Variants in PHTF2 observed in about 807,000 individuals in gnomAD.
PHTF2 encodes protein PHTF2.
PHTF2 carries 60 observed loss-of-function variants against 101.2 expected under a neutral mutation model. The observed-to-expected ratio is 0.59, with a 90% CI of 0.48 to 0.73. The LOEUF is 0.73. PHTF2 is among the 30% of genes least tolerant of loss of function. The probability of loss-of-function intolerance (pLI) is 0.00; values close to 1 mark genes in which losing one functional copy is unlikely to be tolerated. For missense variants in PHTF2, 747 were observed against 908.7 expected (o/e 0.82, Z 2.29); for synonymous variants, 311 against 307.3 (o/e 1.01, Z -0.13).
chr7:77,914,974 C>G (rs1334431774), intron 9 of PHTF2, among the ~76,000 whole-genome samples: 1 of 149,736 alleles, frequency 6.7e-6, no homozygotes, highest in South Asian at 2.1e-4. Flanking sequence ...TGCAGTGGCA[C>G]GATCTCGGCT....
chr7:77,808,453 C>T (rs1212357537), intron 1 of PHTF2, among the ~76,000 whole-genome samples: 1 of 152,052 alleles, frequency 6.6e-6, no homozygotes, highest in Non-Finnish European at 1.5e-5. Context: ...TTATATTTTC[C>T]TGTTTATTTA....
At position 77,838,607 on chromosome 7, in the gene PHTF2, T is replaced by C. The variant is rs534443562; in HGVS notation, c.-35-1614T>C. On this transcript the variant is annotated intron_variant, in intron 1 of 19. Coordinates refer to ENST00000416283, the Ensembl canonical transcript of PHTF2. The stretch of plus-strand genomic sequence containing the variant: ...GTGGCAGGCATCTTATATATATTAT[T>C]TATTGGTTACAAAGATCCTATAAGG... Among the ~76,000 whole-genome samples the C allele has an allele frequency of 2.6e-5, 4 of 152,274 alleles. No homozygotes were observed. In the South Asian group the frequency reaches 8.3e-4, roughly 32 times the overall value.
intron 11 of PHTF2, among the ~76,000 whole-genome samples, chr7:77,928,641 G>A (rs1057245227): frequency 6.6e-5 from 10 of 152,054 alleles, no homozygotes; most frequent in African/African-American, 2.4e-4. Context: ...GTCAGCCCTC[G>A]CCCTCCATTT....
At chr7:77,856,452 C>G (rs1797191293) in intron 3 of PHTF2, among the ~76,000 whole-genome samples, 1 of 152,006 alleles carries the variant, frequency 6.6e-6, no homozygotes, top group Non-Finnish European at 1.5e-5. Flanking sequence ...AACTTCTGGA[C>G]TCAAATGATC....
chr7:77,823,650 A>G (rs183378281), intron 1 of PHTF2, among the ~76,000 whole-genome samples: 16 of 152,386 alleles, frequency 1.0e-4, no homozygotes, highest in African/African-American at 3.6e-4. Context: ...AAGTTATTTT[A>G]GACAAGGAAT....
intron 2 of PHTF2, chr7:77,854,607 A>T: frequency 1.6e-6 from 1 of 626,808 alleles, no homozygotes; most frequent in East Asian, 2.8e-5. Context: ...AATGCCATCC[A>T]GGAGCCAGAG....
At chr7:77,831,134 C>T (rs1795047487) in intron 1 of PHTF2, among the ~76,000 whole-genome samples, 1 of 152,128 alleles carries the variant, frequency 6.6e-6, no homozygotes, top group Admixed American at 6.6e-5. Flanking sequence ...TATGTGGTGA[C>T]TGGCTATCCA....
intron 7 of PHTF2, among the ~76,000 whole-genome samples, chr7:77,907,172 C>G (rs1801944691): frequency 6.6e-6 from 1 of 152,104 alleles, no homozygotes; most frequent in Non-Finnish European, 1.5e-5. Context: ...AAAAGACTCT[C>G]TGCTTTTCAA....
chr7:77,834,397 A>G (rs1167460088), intron 1 of PHTF2, among the ~76,000 whole-genome samples: 1 of 152,178 alleles, frequency 6.6e-6, no homozygotes, highest in Non-Finnish European at 1.5e-5. Context: ...TTAAAATAAC[A>G]TAAACTGTTG....
At chr7:77,923,601 T>G (rs2150922045) in intron 11 of PHTF2, 1 of 985,428 alleles carries the variant, frequency 1.0e-6, no homozygotes, top group East Asian at 1.1e-4. Context: ...CTTTTCCCAG[T>G]GGTTGCCATA....
intron 3 of PHTF2, among the ~76,000 whole-genome samples, chr7:77,873,172 C>T (rs1334337662): frequency 6.6e-6 from 1 of 152,140 alleles, no homozygotes; most frequent in African/African-American, 2.4e-5. Flanking sequence ...CGTGATCCCC[C>T]TGCCTCAGTC....
At chr7:77,829,464 G>A (rs1343527998) in intron 1 of PHTF2, among the ~76,000 whole-genome samples, 1 of 152,142 alleles carries the variant, frequency 6.6e-6, no homozygotes, top group Non-Finnish European at 1.5e-5. Flanking sequence ...CATAAAACGT[G>A]TGGTGTTTAT....
At chr7:77,831,366 G>A (rs1306083137) in intron 1 of PHTF2, among the ~76,000 whole-genome samples, 2 of 152,262 alleles carry the variant, frequency 1.3e-5, no homozygotes. Flanking sequence ...TTGGTGAAGA[G>A]TTGATCCTGC....
chr7:77,886,456 G>A (rs536305430), intron 3 of PHTF2, among the ~76,000 whole-genome samples: 2 of 152,082 alleles, frequency 1.3e-5, no homozygotes, highest in Admixed American at 6.6e-5. Flanking sequence ...GTTTCTTTAC[G>A]CTTTTCTTTC....
intron 3 of PHTF2, among the ~76,000 whole-genome samples, chr7:77,861,752 G>A (rs1483081863): frequency 6.6e-6 from 1 of 151,974 alleles, no homozygotes; most frequent in East Asian, 1.9e-4. Context: ...GTGAAACCTC[G>A]TCTCTACTAA....
At chr7:77,946,169 A>G (rs1806036221) in intron 16 of PHTF2, among the ~76,000 whole-genome samples, 1 of 152,230 alleles carries the variant, frequency 6.6e-6, no homozygotes, top group South Asian at 2.1e-4. Flanking sequence ...AAATCCATTA[A>G]TGCAATTTAA....
At chr7:77,855,840 G>A (rs1334563480) in intron 3 of PHTF2, among the ~76,000 whole-genome samples, 1 of 152,184 alleles carries the variant, frequency 6.6e-6, no homozygotes, top group Non-Finnish European at 1.5e-5. Context: ...TCCACACCAC[G>A]TGGCTGCTGC....
At chr7:77,860,495 C>A (rs1344977108) in intron 3 of PHTF2, among the ~76,000 whole-genome samples, 3 of 152,074 alleles carry the variant, frequency 2.0e-5, no homozygotes, top group African/African-American at 7.2e-5. Flanking sequence ...TCTTAACTTT[C>A]CTAAGCCTTG....
chr7:77,922,606 G>A lies in PHTF2; in HGVS notation c.964-17G>A, dbSNP rs1293653525. ...TTAGAAATTACCTATAATCCTCTTT[G>A]TGTACTCCCAACTTAGGATACCCAA... On this transcript the variant is annotated splice_polypyrimidine_tract_variant and intron_variant, in intron 10 of 19. Transcript: ENST00000416283. The A allele has an allele frequency of 6.3e-7, 1 of 1,591,688 alleles. No homozygotes were observed.
Sources: allele counts gnomAD v4.1 joint callset (sites outside exome capture counted in the v4.1 genomes callset), GRCh38; gene constraint gnomAD v4.1.1; transcripts MANE v1.5; gene names NCBI Gene and HGNC (gene_info 2026-07-23, HGNC 2026-07-21).